The following PPP2R2B variants were observed in gnomAD, a reference collection of about 807,000 sequenced individuals.
The protein encoded by PPP2R2B is protein phosphatase 2 regulatory subunit Bbeta.
PPP2R2B carries 5 observed loss-of-function variants against 46.0 expected under a neutral mutation model. The observed-to-expected ratio is 0.11, with a 90% CI of 0.06 to 0.23. The LOEUF is 0.23. Among genes scored for constraint, PPP2R2B ranks in the 10% least tolerant of loss-of-function variants. PPP2R2B has a pLI of 1.00. For synonymous variants in PPP2R2B, 215 were observed against 206.7 expected (o/e 1.04, Z -0.34); for missense variants, 367 against 575.0 (o/e 0.64, Z 3.70).
chr5:146,837,550 T>C (rs746809609), intron 2 of PPP2R2B, among the ~76,000 whole-genome samples: 1 of 152,214 alleles, frequency 6.6e-6, no homozygotes, highest in Non-Finnish European at 1.5e-5. Flanking sequence ...GAGACACATA[T>C]GTGGTTTAAA....
intron 2 of PPP2R2B, among the ~76,000 whole-genome samples, chr5:146,808,948 T>C (rs1757355563): frequency 6.9e-6 from 1 of 145,822 alleles, no homozygotes; most frequent in African/African-American, 2.6e-5. Context: ...AAATGCCAGC[T>C]GCTAACACTG....
At chr5:147,021,349 A>G (rs144193844) in intron 1 of PPP2R2B, among the ~76,000 whole-genome samples, 1 of 152,274 alleles carries the variant, frequency 6.6e-6, no homozygotes, top group African/African-American at 2.4e-5. Context: ...ATGCAGCCAT[A>G]ATTTGGAGGC....
chr5:146,712,629 G>T (rs1780275275), intron 2 of PPP2R2B, among the ~76,000 whole-genome samples: 1 of 152,290 alleles, frequency 6.6e-6, no homozygotes. Flanking sequence ...AGGGTGATCT[G>T]GTTGCAACAT....
intron 2 of PPP2R2B, among the ~76,000 whole-genome samples, chr5:146,845,455 G>T (rs1251535836): frequency 6.7e-6 from 1 of 149,932 alleles, no homozygotes; most frequent in African/African-American, 2.5e-5. Context: ...GGGTTTCACC[G>T]TGTTAGCCAG....
chr5:146,616,081 A>T (rs1773142807), intron 7 of PPP2R2B, among the ~76,000 whole-genome samples: 1 of 152,200 alleles, frequency 6.6e-6, no homozygotes, highest in Non-Finnish European at 1.5e-5. Flanking sequence ...ACAAATCTGT[A>T]TATCTACAGT....
Position 146,603,279 on chromosome 5 carries a change from T to C in PPP2R2B, c.791-2819A>G, listed in dbSNP as rs572436073. 5.3e-5 allele frequency among the ~76,000 whole-genome samples: 8 copies of C among 152,332 alleles called. No individual in the cohort carries two copies. In the East Asian group the frequency reaches 1.5e-3, roughly 29 times the overall value. ...AAGGAGTACAGAACCTGCGGACTATTTGAAAGACATAAAGAATGTTTACAT... is the reference window on the plus strand; with the variant it reads ...AAGGAGTACAGAACCTGCGGACTATCTGAAAGACATAAAGAATGTTTACAT... On this transcript the variant is annotated intron_variant, in intron 7 of 9. Transcript: ENST00000394411.
chr5:146,715,025 T>C (rs1209778785), intron 2 of PPP2R2B, among the ~76,000 whole-genome samples: 1 of 152,210 alleles, frequency 6.6e-6, no homozygotes. Context: ...ACAAGATCAC[T>C]TCCACATGGG....
chr5:146,817,759 T>A (rs1305240610), intron 2 of PPP2R2B, among the ~76,000 whole-genome samples: 2 of 152,266 alleles, frequency 1.3e-5, no homozygotes, highest in Non-Finnish European at 2.9e-5. Context: ...CTTAGTGGTA[T>A]GCGCCACTTT....
At chr5:146,735,414 T>A (rs537902703) in intron 2 of PPP2R2B, among the ~76,000 whole-genome samples, 16 of 151,914 alleles carry the variant, frequency 1.1e-4, no homozygotes, top group African/African-American at 3.6e-4. Context: ...AAAGGCATGG[T>A]ATATACTGAC....
At position 146,941,605 on chromosome 5, in the gene PPP2R2B, T is replaced by A. The variant is rs1011330749; in HGVS notation, c.79+114060A>T. On this transcript the variant is annotated intron_variant, in intron 1 of 8. Coordinates refer to the PPP2R2B transcript ENST00000336640. Reference sequence around the variant, plus strand: ...TGCAATTACTTTTGTGCCCACCTGATAGAACCTTTCCACTTCCTTTTTCTA... The same window carrying A: ...TGCAATTACTTTTGTGCCCACCTGAAAGAACCTTTCCACTTCCTTTTTCTA... 5.3e-4 allele frequency among the ~76,000 whole-genome samples: 81 copies of A among 152,310 alleles called. 1 individual carries two copies. The highest frequency in any genetic ancestry group is 1.6e-4 in the Non-Finnish European group (11 of 68,024).
intron 2 of PPP2R2B, among the ~76,000 whole-genome samples, chr5:146,756,179 G>T (rs1753819226): frequency 6.6e-6 from 1 of 152,066 alleles, no homozygotes; most frequent in Non-Finnish European, 1.5e-5. Context: ...TGTAACATAA[G>T]CCGCTGTTCC....
intron 1 of PPP2R2B, among the ~76,000 whole-genome samples, chr5:146,928,790 G>A (rs543118762): frequency 6.6e-5 from 10 of 152,224 alleles, no homozygotes; most frequent in African/African-American, 2.4e-4. Context: ...ACATTCTGGT[G>A]GCTTCCCATT....
chr5:146,964,648 C>T (rs1338318944), intron 1 of PPP2R2B, among the ~76,000 whole-genome samples: 1 of 152,096 alleles, frequency 6.6e-6, no homozygotes, highest in African/African-American at 2.4e-5. Context: ...GCCTCAGCTT[C>T]CCGAGTAGCT....
chr5:146,887,714 C>T (rs1006955365), intron 1 of PPP2R2B, among the ~76,000 whole-genome samples: 1 of 152,160 alleles, frequency 6.6e-6, no homozygotes, highest in African/African-American at 2.4e-5. Flanking sequence ...TGTATACCTT[C>T]AATTCCAGCT....
At chr5:146,952,403 C>G (rs1271896753) in intron 1 of PPP2R2B, among the ~76,000 whole-genome samples, 2 of 152,042 alleles carry the variant, frequency 1.3e-5, no homozygotes, top group Non-Finnish European at 2.9e-5. Flanking sequence ...AATCAGGATG[C>G]CTTGAATGTG....
chr5:146,727,919 C>A (rs749102080), intron 2 of PPP2R2B, among the ~76,000 whole-genome samples: 11 of 151,984 alleles, frequency 7.2e-5, no homozygotes, highest in Non-Finnish European at 1.0e-4. Flanking sequence ...TTACTTTATA[C>A]TTCTATGAGT....
chr5:146,821,976 C>T (rs866589530), intron 2 of PPP2R2B, among the ~76,000 whole-genome samples: 1 of 152,196 alleles, frequency 6.6e-6, no homozygotes, highest in Non-Finnish European at 1.5e-5. Flanking sequence ...TCAGAACACA[C>T]AGTGAATCCG....
intron 1 of PPP2R2B, among the ~76,000 whole-genome samples, chr5:147,000,293 C>T (rs1304394596): frequency 6.6e-6 from 1 of 152,104 alleles, no homozygotes; most frequent in Non-Finnish European, 1.5e-5. Context: ...ATTCTAATCC[C>T]TGCTGTTAGT....
At chr5:147,001,404 C>T (rs1170218419) in intron 1 of PPP2R2B, among the ~76,000 whole-genome samples, 3 of 152,086 alleles carry the variant, frequency 2.0e-5, no homozygotes, top group East Asian at 1.9e-4. Flanking sequence ...ACTCCAGACA[C>T]GCCATCTTTA....
Sources: allele counts gnomAD v4.1 joint callset (sites outside exome capture counted in the v4.1 genomes callset), GRCh38; gene constraint gnomAD v4.1.1; transcripts MANE v1.5; gene names NCBI Gene and HGNC (gene_info 2026-07-23, HGNC 2026-07-21).